The following FRMPD4 variants were observed in gnomAD, a reference collection of about 807,000 sequenced individuals.
FRMPD4 encodes the protein FERM and PDZ domain-containing protein 4.
In FRMPD4, 22 loss-of-function variants were observed where a neutral mutation model predicts 94.1. The ratio of observed to expected loss-of-function variants is 0.23; its 90% CI spans 0.17 to 0.33. FRMPD4 has a LOEUF of 0.33. Ranked by LOEUF, FRMPD4 falls within the 10% of genes least tolerant of loss-of-function variation. FRMPD4 has a pLI of 1.00. For synonymous variants in FRMPD4, 631 were observed against 548.6 expected (o/e 1.15, Z -2.10); for missense variants, 1,111 against 1,339.9 (o/e 0.83, Z 2.67).
intron 1 of FRMPD4, among the ~76,000 whole-genome samples, chrX:12,326,840 C>A (rs928400622): frequency 9.0e-6 from 1 of 110,608 alleles, no homozygotes; most frequent in African/African-American, 3.3e-5. Context: ...TGGTGTGCGC[C>A]TGTAGTAGCT....
chrX:12,463,352 G>T (rs943871675), intron 1 of FRMPD4, among the ~76,000 whole-genome samples: 2 of 111,303 alleles, frequency 1.8e-5, no homozygotes, highest in Non-Finnish European at 3.8e-5. Context: ...GTCAGCTCCG[G>T]ACTACTTTAT....
At chrX:12,303,484 G>A (rs1213134584) in intron 1 of FRMPD4, among the ~76,000 whole-genome samples, 1 of 111,572 alleles carries the variant, frequency 9.0e-6, no homozygotes, top group African/African-American at 3.3e-5. Context: ...TATTGTAATA[G>A]TAAATTCAGA....
Position 11,944,849 on chromosome X carries a change from C to T in FRMPD4, c.95+66831C>T, listed in dbSNP as rs57551599. ...CTCCACAATCCCCTCCCTTCCTCTC[C>T]CAGAGCAAATCACAGCCATTCTCAG... is the stretch of plus-strand genomic sequence containing the variant. On this transcript the variant is annotated intron_variant, in intron 3 of 18. Transcript: ENST00000640291. Among the ~76,000 whole-genome samples the T allele has an allele frequency of 8.0e-3, 905 of 112,434 alleles. 8 individuals carry two copies. The highest frequency in any genetic ancestry group is 0.028 in the African/African-American group (857 of 30,935).
chrX:12,458,348 C>T (rs1428397036), intron 1 of FRMPD4, among the ~76,000 whole-genome samples: 1 of 111,713 alleles, frequency 9.0e-6, no homozygotes, highest in Non-Finnish European at 1.9e-5. Flanking sequence ...TAGTTAATCA[C>T]CAAATATGGA....
At chrX:12,319,821 C>T (rs192715727) in intron 1 of FRMPD4, among the ~76,000 whole-genome samples, 34 of 112,002 alleles carry the variant, frequency 3.0e-4, no homozygotes, top group African/African-American at 1.0e-3. Context: ...TCTCTGGTGC[C>T]TATTTTTATC....
At chrX:12,463,709 T>C (rs1490752948) in intron 1 of FRMPD4, among the ~76,000 whole-genome samples, 1 of 101,188 alleles carries the variant, frequency 9.9e-6, no homozygotes, top group Admixed American at 1.1e-4. Flanking sequence ...TTTTTTTTTT[T>C]TAACAGAGCA....
Position 12,720,558 on chromosome X carries a change from G to A in FRMPD4, c.3989G>A (p.Arg1330Lys). The change falls in exon 17 of 17, where the codon AGA (arginine) becomes AAA (lysine). Residue 1330 changes from arginine to lysine, a missense_variant. By Grantham distance (26) the Arg-to-Lys change is conservative. Around this residue, in one of 8 missense-constraint regions of FRMPD4, gnomAD observed 551 missense variants for 591.6 expected, o/e 0.93. Transcript: ENST00000675598. The stretch of plus-strand genomic sequence containing the variant: ...GCTTTGACAGAGCCTGGGAAGGAGA[G>A]ACGAGGAGGCATGCCTTCAGCTTGG... ...TTALTEPGKE[R>K]RGGMPSAWSQ... The A allele has an allele frequency of 8.3e-7, 1 of 1,205,550 alleles. No individual in the cohort carries two copies. Among genetic ancestry groups the A allele is most frequent in the Non-Finnish European group, 1.1e-6 (1 of 890,687 alleles).
At chrX:11,943,306 G>A (rs2054171904) in intron 3 of FRMPD4, among the ~76,000 whole-genome samples, 1 of 111,371 alleles carries the variant, frequency 9.0e-6, no homozygotes, top group Admixed American at 9.5e-5. Context: ...TTGGATCACT[G>A]GGCTGCTGAT....
At chrX:12,178,148 T>G (rs186900080) in intron 1 of FRMPD4, among the ~76,000 whole-genome samples, 161 of 111,546 alleles carry the variant, frequency 1.4e-3, no homozygotes, top group African/African-American at 5.1e-3. Flanking sequence ...TGTTTGCCCC[T>G]TCTGCCATTT....
intron 3 of FRMPD4, among the ~76,000 whole-genome samples, chrX:12,059,205 A>C (rs1405577619): frequency 8.9e-6 from 1 of 111,905 alleles, no homozygotes; most frequent in South Asian, 3.8e-4. Flanking sequence ...CTAATGTTAG[A>C]TCTAAATCCT....
intron 3 of FRMPD4, among the ~76,000 whole-genome samples, chrX:12,031,275 T>C (rs909788557): frequency 8.9e-6 from 1 of 112,317 alleles, no homozygotes; most frequent in Non-Finnish European, 1.9e-5. Flanking sequence ...TGATGAATGC[T>C]ATTCAGAAAA....
intron 2 of FRMPD4, among the ~76,000 whole-genome samples, chrX:12,550,602 C>A (rs2058524529): frequency 9.0e-6 from 1 of 110,991 alleles, no homozygotes; most frequent in Non-Finnish European, 1.9e-5. Context: ...CTTTTCCAAC[C>A]CATTTATTAA....
chrX:12,156,242 T>C (rs146561810), intron 1 of FRMPD4, among the ~76,000 whole-genome samples: 1,133 of 111,668 alleles, frequency 0.01, 32 homozygotes, highest in East Asian at 0.093. Context: ...TGACAAACAC[T>C]GGATGCTATC....
In FRMPD4 at chrX:12,720,607, C is replaced by T; in HGVS notation, c.4038C>T (p.Pro1346=). Residue 1346 remains proline, a synonymous_variant, in exon 17 of 17, where the codon CCC becomes CCT. Transcript: ENST00000675598. Reference sequence around the variant, plus strand: ...GGTCTCAACATCCTGAAGCTGATCCCATCCTGCTACCATCAAACATTCACT... The same window carrying T: ...GGTCTCAACATCCTGAAGCTGATCCTATCCTGCTACCATCAAACATTCACT... ...SAWSQHPEAD[P]ILLPSNIHSE... The T allele has an allele frequency of 8.4e-7, 1 of 1,194,110 alleles. No homozygotes were observed. Among genetic ancestry groups the T allele is most frequent in the Non-Finnish European group, 1.1e-6 (1 of 888,063 alleles).
intron 1 of FRMPD4, among the ~76,000 whole-genome samples, chrX:12,329,842 A>G (rs1200018084): frequency 1.1e-5 from 1 of 95,037 alleles, no homozygotes; most frequent in African/African-American, 4.2e-5. Flanking sequence ...GTGGGTTGCC[A>G]GGACAGTTTC....
intron 3 of FRMPD4, among the ~76,000 whole-genome samples, chrX:11,928,302 G>A (rs1206601214): frequency 8.9e-6 from 1 of 111,947 alleles, no homozygotes; most frequent in Non-Finnish European, 1.9e-5. Flanking sequence ...GCGTGGCTGG[G>A]GAGGCCTCAG....
At chrX:12,607,093 T>C (rs1476338583) in intron 2 of FRMPD4, among the ~76,000 whole-genome samples, 2 of 111,247 alleles carry the variant, frequency 1.8e-5, no homozygotes, top group African/African-American at 3.3e-5. Context: ...CTTCCCTGTG[T>C]CTTAGTGCCT....
chrX:12,583,393 C>T, intron 2 of FRMPD4: 3 of 1,061,572 alleles, frequency 2.8e-6, no homozygotes, highest in Non-Finnish European at 3.9e-6. Flanking sequence ...AGGGAAGCTC[C>T]GCCAGTACTG....
At chrX:11,926,851 C>A (rs144793414) in intron 3 of FRMPD4, among the ~76,000 whole-genome samples, 5 of 111,373 alleles carry the variant, frequency 4.5e-5, no homozygotes, top group Non-Finnish European at 9.4e-5. Context: ...GACAAGGATG[C>A]CGTCTCTCAC....
Sources: gnomAD v4.1 joint callset for allele counts (sites outside exome capture counted in the v4.1 genomes callset) on GRCh38, gnomAD v4.1.1 for gene constraint, gnomAD v4.1.1 regional missense constraint, MANE v1.5 for transcripts, NCBI Gene and HGNC (gene_info 2026-07-23, HGNC 2026-07-21) for gene names.